The following KLF12 variants were observed in gnomAD, a reference collection of about 807,000 sequenced individuals.
KLF12 encodes Krueppel-like factor 12.
In KLF12, 9 loss-of-function variants were observed where a neutral mutation model predicts 37.8. That is an observed-to-expected ratio of 0.24 (90% confidence interval 0.14 to 0.42). The LOEUF is 0.42. Among genes scored for constraint, KLF12 ranks in the 10% least tolerant of loss-of-function variants. The pLI is 1.00. For missense variants in KLF12, 411 were observed against 516.0 expected, an observed-to-expected ratio of 0.80 and a Z score of 1.97; for synonymous variants, 208 against 202.1, an observed-to-expected ratio of 1.03 and a Z score of -0.25.
At chr13:74,033,382 C>CTGA (rs1593844984) in intron 1 of KLF12, among the ~76,000 whole-genome samples, 1 of 152,254 alleles carries the variant, frequency 6.6e-6, no homozygotes, top group East Asian at 1.9e-4. Context: ...CTGGTGTGAC[C>CTGA]TGGAGTTATT....
At chr13:73,867,070 G>A (rs531639383) in intron 3 of KLF12, among the ~76,000 whole-genome samples, 2 of 151,942 alleles carry the variant, frequency 1.3e-5, no homozygotes, top group East Asian at 3.9e-4. Context: ...AAAATATCAG[G>A]AAAAAGGGAA....
chr13:74,153,936 C>T, the KLF12 span, among the ~76,000 whole-genome samples: 2 of 152,120 alleles, frequency 1.3e-5, no homozygotes, highest in Non-Finnish European at 2.9e-5. Context: ...GCAATAAATA[C>T]TATTTATTCG....
At chr13:73,908,779 C>T (rs892603157) in intron 3 of KLF12, among the ~76,000 whole-genome samples, 14 of 152,068 alleles carry the variant, frequency 9.2e-5, no homozygotes, top group Admixed American at 1.3e-4. Flanking sequence ...CGCGCCTGGC[C>T]GGTTTTCATT....
intron 1 of KLF12, among the ~76,000 whole-genome samples, chr13:74,006,788 C>G (rs757568698): frequency 1.1e-4 from 16 of 152,180 alleles, no homozygotes; most frequent in Non-Finnish European, 2.9e-5. Context: ...TCTCCAAAGA[C>G]TCTTTAGATT....
At chr13:74,028,489 T>C (rs1449964204) in intron 1 of KLF12, among the ~76,000 whole-genome samples, 2 of 152,154 alleles carry the variant, frequency 1.3e-5, no homozygotes, top group Non-Finnish European at 2.9e-5. Flanking sequence ...TTAATTTGTA[T>C]TACTGTCATA....
At chr13:74,046,801 C>T (rs1893559563) in intron 1 of KLF12, among the ~76,000 whole-genome samples, 1 of 152,136 alleles carries the variant, frequency 6.6e-6, no homozygotes. Context: ...CAGATACTTT[C>T]ATTTGATATT....
At chr13:74,192,102 G>A in the KLF12 span, among the ~76,000 whole-genome samples, 1 of 151,900 alleles carries the variant, frequency 6.6e-6, no homozygotes, top group African/African-American at 2.4e-5. Flanking sequence ...TGAGCTCTTT[G>A]AGAAATGTGT....
chr13:73,892,298 T>C (rs1887545875), intron 3 of KLF12, among the ~76,000 whole-genome samples: 1 of 152,076 alleles, frequency 6.6e-6, no homozygotes, highest in South Asian at 2.1e-4. Context: ...GAAATAGTGA[T>C]CTCACTTTTT....
intron 1 of KLF12, among the ~76,000 whole-genome samples, chr13:74,004,761 T>C (rs981817664): frequency 6.6e-6 from 1 of 152,224 alleles, no homozygotes; most frequent in Non-Finnish European, 1.5e-5. Flanking sequence ...AAAGCCAGTA[T>C]TTTAAGTTTC....
At chr13:74,210,780 A>G in the KLF12 span, among the ~76,000 whole-genome samples, 1 of 152,070 alleles carries the variant, frequency 6.6e-6, no homozygotes, top group Non-Finnish European at 1.5e-5. Context: ...TCCTGTAATA[A>G]ATTATTTCTA....
intron 1 of KLF12, among the ~76,000 whole-genome samples, chr13:74,030,506 A>C (rs1043916878): frequency 6.6e-6 from 1 of 152,062 alleles, no homozygotes; most frequent in Non-Finnish European, 1.5e-5. Flanking sequence ...TAAATTTCTA[A>C]ATACCTAGAT....
At chr13:73,813,370 C>G in intron 4 of KLF12, 83 bp from the exon 5 acceptor site, 1 of 1,444,248 alleles carries the variant, frequency 6.9e-7, no homozygotes, top group Non-Finnish European at 9.6e-7. Flanking sequence ...AAGTATGGAA[C>G]TTCTGTGCAT....
At chr13:73,991,461 A>C (rs1593811847) in intron 2 of KLF12, among the ~76,000 whole-genome samples, 1 of 152,226 alleles carries the variant, frequency 6.6e-6, no homozygotes, top group African/African-American at 2.4e-5. Flanking sequence ...CTCACACTAA[A>C]AAACAAATAA....
intron 1 of KLF12, among the ~76,000 whole-genome samples, chr13:74,035,628 A>G (rs1239815053): frequency 7.9e-5 from 12 of 152,190 alleles, no homozygotes; most frequent in Middle Eastern, 3.2e-3. Context: ...TTCTCTCACA[A>G]ATTTTTAGAA....
At chr13:73,938,397 T>C (rs1034358710) in intron 3 of KLF12, among the ~76,000 whole-genome samples, 1 of 152,196 alleles carries the variant, frequency 6.6e-6, no homozygotes, top group Admixed American at 6.5e-5. Flanking sequence ...TCAGCTACAA[T>C]ACCTGCACCC....
intron 5 of KLF12, among the ~76,000 whole-genome samples, chr13:73,793,976 T>C (rs1160870811): frequency 2.0e-5 from 3 of 152,218 alleles, no homozygotes; most frequent in African/African-American, 4.8e-5. Flanking sequence ...CGCTAACTCA[T>C]TCCATCACAG....
the KLF12 span, among the ~76,000 whole-genome samples, chr13:74,241,243 A>G: frequency 7.1e-6 from 1 of 140,790 alleles, no homozygotes; most frequent in South Asian, 2.1e-4. Flanking sequence ...GGTGCCTCCC[A>G]GTTAGGCTGC....
chr13:73,843,381 T>C (rs1884846946), intron 4 of KLF12, among the ~76,000 whole-genome samples: 1 of 152,060 alleles, frequency 6.6e-6, no homozygotes, highest in African/African-American at 2.4e-5. Context: ...CTTGGCTCAC[T>C]GCAACCTCCA....
At chr13:74,043,865 A>C (rs911608489) in intron 1 of KLF12, among the ~76,000 whole-genome samples, 2 of 152,078 alleles carry the variant, frequency 1.3e-5, no homozygotes, top group African/African-American at 2.4e-5. Flanking sequence ...TTCATTAAAC[A>C]CTCCTACAGC....
Sources: allele counts gnomAD v4.1 joint callset (sites outside exome capture counted in the v4.1 genomes callset), GRCh38; gene constraint gnomAD v4.1.1; transcripts MANE v1.5; gene names NCBI Gene and HGNC (gene_info 2026-07-23, HGNC 2026-07-21).